Variants in SLC6A12 observed in about 807,000 individuals in gnomAD.
The protein encoded by SLC6A12 is solute carrier family 6 member 12.
In SLC6A12, 50 loss-of-function variants were observed where a neutral mutation model predicts 73.3. The ratio of observed to expected loss-of-function variants is 0.68; its 90% CI spans 0.54 to 0.86. The LOEUF (loss-of-function observed/expected upper bound fraction) is 0.86, where lower values mean the gene tolerates loss of function less well. Ranked by LOEUF, SLC6A12 falls within the 40% of genes least tolerant of loss-of-function variation. The probability of loss-of-function intolerance (pLI) is 0.00; values close to 1 mark genes in which losing one functional copy is unlikely to be tolerated. For missense variants in SLC6A12, 648 were observed against 772.8 expected (o/e 0.84, Z 1.92); for synonymous variants, 304 against 309.2 (o/e 0.98, Z 0.18).
rs75409164 is a variant in SLC6A12, at chr12:195,746, C to G, written c.1326+378G>C. Among the ~76,000 whole-genome samples, 1,629 of 152,238 alleles carry G rather than the reference C, an allele frequency of 0.011. 91 individuals are homozygous for G. The East Asian group carries it at 0.12, about 11-fold the overall frequency. ...CTGACAGTAACAGGTAAGCCTGAAGCCCAGCATCCATCCCTAATGTCACAG... is the reference window on the plus strand; with the variant it reads ...CTGACAGTAACAGGTAAGCCTGAAGGCCAGCATCCATCCCTAATGTCACAG... On this transcript the variant is annotated intron_variant, in intron 12 of 15. Coordinates refer to ENST00000684302, the MANE Select transcript of SLC6A12 (RefSeq NM_001122848.3).
intron 11 of SLC6A12, 145 bp downstream of exon 11, chr12:196,625 C>G: frequency 1.5e-6 from 1 of 671,750 alleles, no homozygotes; most frequent in Non-Finnish European, 2.6e-6. Flanking sequence ...GCCACACCCC[C>G]AACCCCAAGG....
In SLC6A12 at chr12:213,236, T is replaced by C. The variant is rs1940978761; in HGVS notation, c.-143+686A>G. 6.6e-6 allele frequency: 1 copy of C among 152,640 alleles called. No homozygotes were observed. The highest frequency in any genetic ancestry group is 2.4e-5 in the African/African-American group (1 of 41,418). 9.5% of individuals were successfully genotyped at this position (152,640 alleles called of 1,614,324 possible). ...GTCCACACCCACATACCAACACCCATTCCCATACACACACTGGTGCCATTT... is the reference window on the plus strand; with the variant it reads ...GTCCACACCCACATACCAACACCCACTCCCATACACACACTGGTGCCATTT... On this transcript the variant is annotated intron_variant, in intron 1 of 15. Transcript: ENST00000684302. The surrounding 1 kb of genome is among the most constrained non-coding windows in gnomAD (Gnocchi z 5.3).
chr12:187,394 A>T (rs1939449522), downstream of SLC6A12, among the ~76,000 whole-genome samples: 1 of 151,724 alleles, frequency 6.6e-6, no homozygotes, highest in Admixed American at 6.6e-5. Flanking sequence ...CCAGCTCCGG[A>T]GTGAAACTGC....
intron 1 of SLC6A12, among the ~76,000 whole-genome samples, chr12:212,410 G>A (rs942898895): frequency 1.1e-4 from 16 of 152,176 alleles, no homozygotes; most frequent in Non-Finnish European, 2.2e-4. Flanking sequence ...GCAGGGAAGC[G>A]AATCACAGAA....
rs1940006478 is a variant in SLC6A12 at position 197,935 on chromosome 12, C to G, written c.915G>C (p.Leu305=). ...FAICQGCLTA[L]GSYNKYHNNC... ...TGTTGTGATACTTGTTGTAGCTGCC[C>G]AGGGCTGTCAGGCACCCCTGGCAGA... The change falls in exon 9 of 16, where the codon CTG becomes CTC. Residue 305 remains leucine, a synonymous_variant. Transcript: ENST00000684302. 6.2e-7 allele frequency: 1 copy of G among 1,613,490 alleles called. No individual in the cohort carries two copies. Among genetic ancestry groups the G allele is most frequent in the African/African-American group, 1.3e-5 (1 of 74,698 alleles).
intron 10 of SLC6A12, among the ~76,000 whole-genome samples, 199 bp downstream of exon 10, chr12:197,178 C>CATCT (rs1565469157): frequency 1.1e-3 from 24 of 21,358 alleles, no homozygotes; most frequent in East Asian, 4.2e-3. Flanking sequence ...TCCATCCATC[C>CATCT]ATCCATCCAT....
At chr12:206,060 TTGTG>T (rs1299394968) in intron 3 of SLC6A12, among the ~76,000 whole-genome samples, 1 of 152,204 alleles carries the variant, frequency 6.6e-6, no homozygotes, top group Non-Finnish European at 1.5e-5. Flanking sequence ...TTTTTTCTCT[TTGTG>T]TGTGTGTATG....
At chr12:187,594 A>AAAAG (rs1939455290), downstream of SLC6A12, among the ~76,000 whole-genome samples, 2 of 5,376 alleles carry the variant, frequency 3.7e-4, no homozygotes, top group African/African-American at 5.4e-4. Flanking sequence ...AAGAGCAAAA[A>AAAAG]AAAAAAAAAA....
intron 11 of SLC6A12, 146 bp from the exon 12 acceptor site, chr12:196,407 G>A (rs1939868891): frequency 5.2e-6 from 5 of 962,076 alleles, no homozygotes; most frequent in Non-Finnish European, 7.7e-6. Flanking sequence ...GTGCCCTGGG[G>A]TGAGCCAACC....
At chr12:188,347 CG>C (rs1322518878), downstream of SLC6A12, among the ~76,000 whole-genome samples, 7 of 151,932 alleles carry the variant, frequency 4.6e-5, no homozygotes, top group African/African-American at 1.7e-4. Flanking sequence ...CCCGGGCCGG[CG>C]GGGCCGGCAG....
Position 196,147 on chromosome 12 carries a change from T to C in SLC6A12, c.1303A>G (p.Ile435Val), listed in dbSNP as rs969920961. Residue 435 changes from isoleucine (I) to valine (V), a missense_variant, in exon 12 of 16, where the codon ATA (isoleucine) becomes GTA (valine). Physicochemically the swap from Ile to Val is conservative, Grantham distance 29 (BLOSUM62 3). Transcript: ENST00000684302. ...ILTIAVMCYLIGLFLVTEGGM... is the reference protein window; with the variant it reads ...ILTIAVMCYLVGLFLVTEGGM... ...ACCTCGGTGACCAGGAAAAGCCCTA[T>C]CAGGTAGCACATGACGGCGATGGTG... 1 of 1,565,654 alleles carries C rather than the reference T, an allele frequency of 6.4e-7. No homozygotes were observed. Among genetic ancestry groups the C allele is most frequent in the Admixed American group, 1.9e-5 (1 of 51,554 alleles).
At chr12:205,428 T>G (rs1054436431) in intron 3 of SLC6A12, among the ~76,000 whole-genome samples, 4 of 152,206 alleles carry the variant, frequency 2.6e-5, no homozygotes, top group Non-Finnish European at 5.9e-5. Flanking sequence ...CAGGCACTCT[T>G]GTACGTACTT....
chr12:210,488 G>T, intron 2 of SLC6A12: 2 of 744,416 alleles, frequency 2.7e-6, no homozygotes, highest in Non-Finnish European at 3.3e-6. Context: ...CGAAGTGACT[G>T]CATGGTTCTC....
chr12:207,826 GC>G (rs1218975034), intron 3 of SLC6A12, among the ~76,000 whole-genome samples: 2 of 152,104 alleles, frequency 1.3e-5, no homozygotes, highest in African/African-American at 2.4e-5. Flanking sequence ...ACCTCATTTG[GC>G]CCCCTCATGT....
At chr12:195,077 T>G (rs944494607) in intron 13 of SLC6A12, 148 bp downstream of exon 13, 3 of 656,262 alleles carry the variant, frequency 4.6e-6, no homozygotes, top group Non-Finnish European at 8.4e-6. Flanking sequence ...ACGGGTAAAT[T>G]TCCCAGTAAG....
At chr12:204,738 C>T in intron 3 of SLC6A12, 40 bp from the exon 4 acceptor site, 1 of 1,609,894 alleles carries the variant, frequency 6.2e-7, no homozygotes, top group Non-Finnish European at 8.5e-7. Context: ...CACACCCGGG[C>T]TCTTCCTCAG....
intron 14 of SLC6A12, 87 bp downstream of exon 14, chr12:193,190 G>A: frequency 3.2e-6 from 3 of 938,868 alleles, no homozygotes; most frequent in Non-Finnish European, 5.3e-6. Flanking sequence ...GGTGGGGAAA[G>A]AGCCCTGCAT....
intron 3 of SLC6A12, among the ~76,000 whole-genome samples, chr12:208,152 G>T (rs1052469740): frequency 1.3e-5 from 2 of 152,142 alleles, no homozygotes; most frequent in Non-Finnish European, 2.9e-5. Flanking sequence ...ACTAAAGGAG[G>T]GCTTAGTCTG....
intron 13 of SLC6A12, among the ~76,000 whole-genome samples, 189 bp from the exon 14 acceptor site, chr12:193,566 C>T (rs1319377394): frequency 1.3e-5 from 2 of 152,190 alleles, no homozygotes; most frequent in African/African-American, 4.8e-5. Context: ...ATTCGAGTCA[C>T]GAGGCAGGGG....
Sources: gnomAD v4.1 joint callset for allele counts (sites outside exome capture counted in the v4.1 genomes callset) on GRCh38, gnomAD v4.1.1 for gene constraint, Gnocchi (gnomAD v3.1) non-coding constraint, MANE v1.5 for transcripts, NCBI Gene and HGNC (gene_info 2026-07-23, HGNC 2026-07-21) for gene names.